The following MALRD1 variants were observed in gnomAD, a reference collection of about 807,000 sequenced individuals.
MALRD1 encodes the protein MAM and LDL-receptor class A domain-containing protein 1.
MALRD1 carries 247 observed loss-of-function variants against 242.1 expected under a neutral mutation model. That is an observed-to-expected ratio of 1.02 (90% CI 0.92 to 1.13). MALRD1 has a LOEUF of 1.13. Among genes scored for constraint, MALRD1 ranks in the 50% most tolerant of loss-of-function variants. The pLI, the probability that MALRD1 is intolerant of heterozygous loss-of-function variation, is 0.00. For missense variants in MALRD1, 2,989 were observed against 2,533.1 expected, an observed-to-expected ratio of 1.18 and a Z score of -3.86; for synonymous variants, 995 against 866.6, an observed-to-expected ratio of 1.15 and a Z score of -2.60.
chr10:19,441,259 G>C (rs929314891), intron 28 of MALRD1, among the ~76,000 whole-genome samples: 3 of 152,166 alleles, frequency 2.0e-5, no homozygotes, highest in African/African-American at 7.2e-5. Flanking sequence ...AAGATGGGTA[G>C]ATTGTAAAAA....
At chr10:19,296,275 A>G (rs1588871968) in intron 21 of MALRD1, among the ~76,000 whole-genome samples, 1 of 152,092 alleles carries the variant, frequency 6.6e-6, no homozygotes, top group Admixed American at 6.6e-5. Context: ...TTTTTCCTCA[A>G]ATGTAATTAT....
At chr10:19,614,519 A>G (rs1839046433) in intron 35 of MALRD1, among the ~76,000 whole-genome samples, 1 of 151,992 alleles carries the variant, frequency 6.6e-6, no homozygotes, top group South Asian at 2.1e-4. Context: ...TTAAGTAAAA[A>G]CAAAAGGCCT....
intron 19 of MALRD1, among the ~76,000 whole-genome samples, chr10:19,276,652 G>T (rs774450461): frequency 6.6e-6 from 1 of 152,068 alleles, no homozygotes; most frequent in Non-Finnish European, 1.5e-5. Flanking sequence ...ATGATAAAAT[G>T]ATTCCCTTTT....
intron 34 of MALRD1, among the ~76,000 whole-genome samples, chr10:19,597,623 C>T (rs1285804579): frequency 1.3e-5 from 2 of 152,124 alleles, no homozygotes; most frequent in African/African-American, 2.4e-5. Context: ...CTAACTGATG[C>T]CACATATTAT....
rs182572589 is a variant in MALRD1, at chr10:19,078,179, C to A, written c.341-9661C>A. Among the ~76,000 whole-genome samples, 93 of 151,268 alleles carry A rather than the reference C, an allele frequency of 6.1e-4. 4 individuals carry two copies. The East Asian group carries it at 0.016, about 26-fold the overall frequency. On this transcript the variant is annotated intron_variant, in intron 2 of 39. Transcript: ENST00000454679. ...TTCATTTTTTATTATACTTTAAGTT[C>A]TAGGGTACATGTGCACAACGTGCAG...
At chr10:19,621,098 C>T (rs1450852759) in intron 36 of MALRD1, among the ~76,000 whole-genome samples, 1 of 151,036 alleles carries the variant, frequency 6.6e-6, no homozygotes, top group African/African-American at 2.4e-5. Flanking sequence ...CAAATTTCAT[C>T]AAATGAAGAG....
intron 24 of MALRD1, among the ~76,000 whole-genome samples, chr10:19,344,987 C>T (rs1465417539): frequency 3.3e-5 from 5 of 152,080 alleles, no homozygotes; most frequent in Non-Finnish European, 4.4e-5. Flanking sequence ...ATTAATTGCA[C>T]CACAAATGCC....
intron 32 of MALRD1, 110 bp downstream of exon 32, chr10:19,531,461 T>A (rs576451736): frequency 9.7e-7 from 1 of 1,035,404 alleles, no homozygotes; most frequent in African/African-American, 1.6e-5. Context: ...CCAGTGCTGA[T>A]GCCATTAATT....
At chr10:19,118,965 G>T (rs1216377079) in intron 5 of MALRD1, among the ~76,000 whole-genome samples, 1 of 152,140 alleles carries the variant, frequency 6.6e-6, no homozygotes, top group Non-Finnish European at 1.5e-5. Context: ...GATTATAGTG[G>T]AGCAGGGACA....
chr10:19,156,628 CT>C (rs887912702), intron 12 of MALRD1, among the ~76,000 whole-genome samples: 3 of 152,066 alleles, frequency 2.0e-5, no homozygotes, highest in African/African-American at 7.2e-5. Flanking sequence ...ATTCTGTCTG[CT>C]TTACAGAAAT....
intron 18 of MALRD1, among the ~76,000 whole-genome samples, chr10:19,210,687 G>C (rs1201999341): frequency 9.3e-6 from 1 of 107,242 alleles, no homozygotes; most frequent in Admixed American, 1.1e-4. Flanking sequence ...CTTAGCTCCA[G>C]GCCACCTTTT....
intron 38 of MALRD1, among the ~76,000 whole-genome samples, chr10:19,717,833 A>G (rs1834459541): frequency 6.6e-6 from 1 of 152,070 alleles, no homozygotes; most frequent in Non-Finnish European, 1.5e-5. Context: ...CCTGGCCTAC[A>G]TGGCAAAACC....
chr10:19,047,864 C>G (rs1483271024), upstream of MALRD1, among the ~76,000 whole-genome samples: 1 of 152,150 alleles, frequency 6.6e-6, no homozygotes, highest in Non-Finnish European at 1.5e-5. Context: ...CCTTTCCACT[C>G]TACATTCTCC....
At chr10:19,148,788 A>AAAAATATATATATATATATATAT (rs1206724666) in intron 11 of MALRD1, among the ~76,000 whole-genome samples, 1 of 88,016 alleles carries the variant, frequency 1.1e-5, no homozygotes, top group Non-Finnish European at 2.5e-5. Context: ...AAAAAAAAAA[A>AAAAATATATATATATATATATAT]ATATATATAT....
chr10:19,408,268 G>A (rs1290469323), intron 28 of MALRD1, among the ~76,000 whole-genome samples: 1 of 152,140 alleles, frequency 6.6e-6, no homozygotes, highest in African/African-American at 2.4e-5. Flanking sequence ...TGGTCAGCAG[G>A]CGACAGGTGC....
intron 1 of MALRD1, among the ~76,000 whole-genome samples, chr10:19,054,941 G>C (rs1356872474): frequency 1.3e-5 from 2 of 152,096 alleles, no homozygotes; most frequent in Admixed American, 1.3e-4. Context: ...GGATCATATG[G>C]TAGCTTAATT....
Position 19,224,684 on chromosome 10 carries a change from T to C in MALRD1, c.2991+15004T>C, listed in dbSNP as rs11009003. ...ATCCTTTTCCCACTTTTTGATGGGG[T>C]TGTTTTTTTCTTGTAAATTTGTTTA... is the stretch of plus-strand genomic sequence containing the variant. On this transcript the variant is annotated intron_variant, in intron 18 of 39. Transcript: ENST00000454679. Among the ~76,000 whole-genome samples the C allele has an allele frequency of 8.9e-3, 1,350 of 152,266 alleles. 4 individuals are homozygous for C. The highest frequency in any genetic ancestry group is 0.014 in the Non-Finnish European group (943 of 68,014).
At chr10:19,354,921 AG>A (rs1462117843) in intron 26 of MALRD1, among the ~76,000 whole-genome samples, 2 of 152,184 alleles carry the variant, frequency 1.3e-5, no homozygotes, top group Non-Finnish European at 2.9e-5. Flanking sequence ...AGAAATTTGG[AG>A]AAAAGTAAGC....
intron 1 of MALRD1, among the ~76,000 whole-genome samples, chr10:19,057,714 A>G (rs991900084): frequency 6.6e-6 from 1 of 152,198 alleles, no homozygotes; most frequent in African/African-American, 2.4e-5. Context: ...TCATGGAATC[A>G]ATTTAATTAC....
Sources: allele counts gnomAD v4.1 joint callset (sites outside exome capture counted in the v4.1 genomes callset), GRCh38; gene constraint gnomAD v4.1.1; transcripts MANE v1.5; gene names NCBI Gene and HGNC (gene_info 2026-07-23, HGNC 2026-07-21).